SLC60A2: variants seen among roughly 807,000 people sequenced by gnomAD.
The protein encoded by SLC60A2 is solute carrier family 60 member 2.
At chr6:111,268,705 T>C in the SLC60A2 span, 1 of 152,188 alleles carries the variant, frequency 6.6e-6, no homozygotes, top group Non-Finnish European at 1.5e-5. Context: ...GGTAATCATA[T>C]CGTAGTTACC....
the SLC60A2 span, chr6:111,266,714 T>G: frequency 6.2e-7 from 1 of 1,614,116 alleles, no homozygotes; most frequent in Non-Finnish European, 8.5e-7. Context: ...CTGATTTGCC[T>G]GTAGTTCTGT....
chr6:111,261,353 G>A, the SLC60A2 span, among the ~76,000 whole-genome samples: 1 of 152,156 alleles, frequency 6.6e-6, no homozygotes, highest in Admixed American at 6.5e-5. Context: ...CAGTGGCTCA[G>A]TCAGAACTCA....
chr6:111,275,522 G>A, the SLC60A2 span, among the ~76,000 whole-genome samples: 15 of 151,202 alleles, frequency 9.9e-5, no homozygotes, highest in Non-Finnish European at 2.1e-4. Flanking sequence ...TGATTCTCCT[G>A]CCCCAGCCTC....
At chr6:111,263,479 TTTAA>T in the SLC60A2 span, among the ~76,000 whole-genome samples, 244 of 152,324 alleles carry the variant, frequency 1.6e-3, 3 homozygotes, top group African/African-American at 5.3e-3. Context: ...TTTTTGTCTA[TTTAA>T]TTTTTTGCCT....
At chr6:111,279,318 G>T in the SLC60A2 span, among the ~76,000 whole-genome samples, 1 of 150,896 alleles carries the variant, frequency 6.6e-6, no homozygotes, top group Non-Finnish European at 1.5e-5. Context: ...CTGGAGTGCA[G>T]TGGCGCTATC....
the SLC60A2 span, chr6:111,262,486 G>A: frequency 6.8e-7 from 1 of 1,460,512 alleles, no homozygotes; most frequent in Non-Finnish European, 9.5e-7. Flanking sequence ...AGTTGTCTTT[G>A]AAAATATGAA....
chr6:111,262,303 C>T, the SLC60A2 span: 1 of 1,614,094 alleles, frequency 6.2e-7, no homozygotes. Flanking sequence ...GATTTGGCAA[C>T]AAACGTGAAC....
chr6:111,271,892 T>C, the SLC60A2 span, among the ~76,000 whole-genome samples: 2 of 148,250 alleles, frequency 1.3e-5, no homozygotes, highest in Admixed American at 1.4e-4. Context: ...CACTTGAACT[T>C]GGGAGGCAGA....
the SLC60A2 span, among the ~76,000 whole-genome samples, chr6:111,273,391 C>A: frequency 6.6e-6 from 1 of 151,854 alleles, no homozygotes; most frequent in Non-Finnish European, 1.5e-5. Context: ...GCGATCCTCC[C>A]GTCTCAGCCT....
chr6:111,276,943 T>C, the SLC60A2 span, among the ~76,000 whole-genome samples: 1 of 152,030 alleles, frequency 6.6e-6, no homozygotes, highest in African/African-American at 2.4e-5. Flanking sequence ...TTCCTCTGTG[T>C]ATCTCTGGTC....
the SLC60A2 span, among the ~76,000 whole-genome samples, chr6:111,261,535 C>T: frequency 6.6e-6 from 1 of 152,082 alleles, no homozygotes; most frequent in African/African-American, 2.4e-5. Flanking sequence ...CCTACCATCT[C>T]TCCCTTCCAG....
At chr6:111,270,147 A>G in the SLC60A2 span, 1 of 152,160 alleles carries the variant, frequency 6.6e-6, no homozygotes, top group Non-Finnish European at 1.5e-5. Flanking sequence ...TGCCTCTCAC[A>G]ACATGGCAGT....
chr6:111,275,007 C>T, the SLC60A2 span, among the ~76,000 whole-genome samples: 3 of 151,700 alleles, frequency 2.0e-5, no homozygotes, highest in Non-Finnish European at 4.4e-5. Context: ...ATTGCAGCTT[C>T]GGACTCCTGG....
At chr6:111,260,939 AG>A in the SLC60A2 span, among the ~76,000 whole-genome samples, 1 of 152,226 alleles carries the variant, frequency 6.6e-6, no homozygotes, top group East Asian at 1.9e-4. Context: ...CGAGTTGGGC[AG>A]GGGGCGCACC....
At chr6:111,268,308 A>G in the SLC60A2 span, 11 of 152,136 alleles carry the variant, frequency 7.2e-5, no homozygotes, top group African/African-American at 2.7e-4. Context: ...TTTTACCCCC[A>G]TACTGTTAAC....
chr6:111,266,192 G>A, the SLC60A2 span: 1 of 1,612,644 alleles, frequency 6.2e-7, no homozygotes, highest in Non-Finnish European at 8.5e-7. Flanking sequence ...ATAGCTCAAA[G>A]CAAGAAAAAG....
At chr6:111,278,393 T>C in the SLC60A2 span, 1 of 152,290 alleles carries the variant, frequency 6.6e-6, no homozygotes, top group Non-Finnish European at 1.5e-5. Context: ...GATGACCCTA[T>C]CATTTTTGTT....
At chr6:111,272,725 T>C in the SLC60A2 span, among the ~76,000 whole-genome samples, 1 of 152,078 alleles carries the variant, frequency 6.6e-6, no homozygotes, top group Non-Finnish European at 1.5e-5. Flanking sequence ...TTGGTCAGGC[T>C]GGTCTCGAAC....
the SLC60A2 span, chr6:111,262,218 A>C: frequency 6.5e-7 from 1 of 1,547,716 alleles, no homozygotes; most frequent in East Asian, 2.3e-5. Flanking sequence ...CATTATTTTA[A>C]TGATTATAAG....
Sources: allele counts gnomAD v4.1 joint callset (sites outside exome capture counted in the v4.1 genomes callset), GRCh38; gene constraint gnomAD v4.1.1; transcripts MANE v1.5; gene names NCBI Gene and HGNC (gene_info 2026-07-23, HGNC 2026-07-21).